Variants in RARA observed in about 807,000 individuals in gnomAD.
RARA encodes the protein retinoic acid receptor alpha.
In RARA, 5 loss-of-function variants were observed where a neutral mutation model predicts 42.8. The ratio of observed to expected loss-of-function variants is 0.12; its 90% CI spans 0.06 to 0.25. The LOEUF (loss-of-function observed/expected upper bound fraction) is 0.25. Among genes scored for constraint, RARA ranks in the 10% least tolerant of loss-of-function variants. The pLI, the probability that RARA is intolerant of heterozygous loss-of-function variation, is 1.00. For synonymous variants in RARA, 256 were observed against 259.5 expected (o/e 0.99, Z 0.13); for missense variants, 402 against 628.7 (o/e 0.64, Z 3.86).
At chr17:40,332,517 G>A (rs986419682) in intron 2 of RARA, among the ~76,000 whole-genome samples, 8 of 152,158 alleles carry the variant, frequency 5.3e-5, no homozygotes, top group South Asian at 4.1e-4. Flanking sequence ...CTCTCTCCCC[G>A]GAGCCAGGGA....
At chr17:40,321,482 A>G (rs1007900111) in intron 1 of RARA, among the ~76,000 whole-genome samples, 5 of 152,094 alleles carry the variant, frequency 3.3e-5, no homozygotes. Context: ...TAGCCCGCCC[A>G]CCTGGCATCA....
chr17:40,338,218 C>T (rs899724556), intron 2 of RARA, among the ~76,000 whole-genome samples: 1 of 152,220 alleles, frequency 6.6e-6, no homozygotes, highest in Non-Finnish European at 1.5e-5. Flanking sequence ...TGCAGGCCTG[C>T]CTGCCCTTTG....
At chr17:40,341,271 T>C (rs894933690) in intron 2 of RARA, 13 of 1,340,640 alleles carry the variant, frequency 9.7e-6, no homozygotes, top group Non-Finnish European at 7.8e-6. Context: ...AGGAGACACC[T>C]TGGGCGGGGC....
In RARA at chr17:40,355,200, G is replaced by A. The variant is rs1183252582; in HGVS notation, c.1013-63G>A. ...ATGGCCTGGGCAGGCACGCCCCCCG[G>A]TGGCCGAGGCTGGGGGTGCAGCTGT... On this transcript the variant is annotated intron_variant, in intron 7 of 8. Coordinates refer to ENST00000254066, the MANE Select transcript of RARA (RefSeq NM_000964.4). The surrounding 1 kb of genome is among the most constrained non-coding windows in gnomAD (Gnocchi z 4.1). 3.3e-6 allele frequency: 5 copies of A among 1,502,346 alleles called. No individual in the cohort carries two copies. In the African/African-American group the frequency reaches 5.6e-5, roughly 17 times the overall value. The allele number at this position is 1,502,346 out of a possible 1,614,324, so 93.1% of individuals were successfully genotyped here.
intron 2 of RARA, among the ~76,000 whole-genome samples, chr17:40,335,055 T>C (rs1282218299): frequency 1.3e-5 from 2 of 152,056 alleles, no homozygotes; most frequent in Non-Finnish European, 2.9e-5. Context: ...CAGGGCTGTG[T>C]GTGTTTTGGG....
chr17:40,344,470 G>A (rs2034185518), intron 2 of RARA, among the ~76,000 whole-genome samples: 1 of 152,184 alleles, frequency 6.6e-6, no homozygotes, highest in South Asian at 2.1e-4. Flanking sequence ...CTTCTCCAGA[G>A]GGCTGGAGAG....
At chr17:40,317,697 C>A (rs200830366) in intron 1 of RARA, among the ~76,000 whole-genome samples, 1 of 144,202 alleles carries the variant, frequency 6.9e-6, no homozygotes, top group South Asian at 2.2e-4. Context: ...CTCCTGGACT[C>A]TTTTTTTTTT....
intron 2 of RARA, chr17:40,342,009 G>T (rs1188216706): frequency 4.8e-5 from 52 of 1,090,984 alleles, no homozygotes; most frequent in Non-Finnish European, 5.7e-5. Context: ...TCCACATGCC[G>T]CCTCTCCCTC....
Position 40,356,298 on chromosome 17 carries a change from AC to A in RARA, c.*76del. Reference sequence around the variant, plus strand: ...TCTCTGCCTTTCTACCGACCATGTGACCCCGCACCAGCCCTGCCCCCACCTG... The same window carrying A: ...TCTCTGCCTTTCTACCGACCATGTGACCCGCACCAGCCCTGCCCCCACCTG... On this transcript the variant is annotated 3_prime_UTR_variant, in exon 9 of 9. Transcript: ENST00000254066. 1 of 1,456,556 alleles carries A rather than the reference AC, an allele frequency of 6.9e-7. No homozygotes were observed. Among genetic ancestry groups the A allele is most frequent in the East Asian group, 2.5e-5 (1 of 40,498 alleles). 90.2% of individuals were successfully genotyped at this position (1,456,556 alleles called of 1,614,324 possible). A position where few individuals can be genotyped will look rare whatever the true frequency, so the allele number is the denominator to read the frequency against.
Position 40,355,248 on chromosome 17 carries a change from G to GT in RARA, c.1013-13dup, listed in dbSNP as rs2034581246. 2.6e-6 allele frequency: 4 copies of GT among 1,555,910 alleles called. No individual in the cohort carries two copies. In the African/African-American group the frequency reaches 4.1e-5, roughly 16 times the overall value. On this transcript the variant is annotated splice_polypyrimidine_tract_variant and intron_variant, in intron 7 of 8. Coordinates refer to ENST00000254066, the MANE Select transcript of RARA (RefSeq NM_000964.4). The surrounding 1 kb of genome is among the most constrained non-coding windows in gnomAD (Gnocchi z 4.1). ...TGTGTTCCCAGCTGCTCAGGGGGTG[G>GT]TTCTGCTTCCTCAGACCGCCAGGAC...
intron 2 of RARA, among the ~76,000 whole-genome samples, chr17:40,339,505 T>C (rs1288150446): frequency 6.6e-6 from 1 of 152,152 alleles, no homozygotes; most frequent in Non-Finnish European, 1.5e-5. Context: ...CACTGTGTTC[T>C]GCTCTGACCT....
intron 2 of RARA, chr17:40,342,038 C>T (rs1033982946): frequency 1.4e-5 from 15 of 1,071,374 alleles, no homozygotes; most frequent in Non-Finnish European, 1.7e-5. Context: ...CTGCGTTTCT[C>T]CCGCTGCAGC....
In RARA at chr17:40,354,657, C is replaced by A; in HGVS notation, c.1012+151C>A. The stretch of plus-strand genomic sequence containing the variant: ...TACACAGCAAGGGGGCCATGTGGGG[C>A]CTGGACTCCTGTTCCCGATTTCTGG... On this transcript the variant is annotated intron_variant, in intron 7 of 8. Transcript: ENST00000254066. The surrounding 1 kb of genome is among the most constrained non-coding windows in gnomAD (Gnocchi z 4.5). 1 of 1,017,794 alleles carries A rather than the reference C, an allele frequency of 9.8e-7. No individual in the cohort carries two copies. Among genetic ancestry groups the A allele is most frequent in the Non-Finnish European group, 1.4e-6 (1 of 714,310 alleles). The allele number at this position is 1,017,794 out of a possible 1,614,324, so 63.0% of individuals were successfully genotyped here. A position where few individuals can be genotyped will look rare whatever the true frequency, so the allele number is the denominator to read the frequency against.
intron 1 of RARA, among the ~76,000 whole-genome samples, chr17:40,323,798 G>A (rs1175615662): frequency 1.5e-5 from 2 of 135,846 alleles, no homozygotes; most frequent in Admixed American, 7.9e-5. Context: ...GCCTGGTCTG[G>A]GGTCAGAGCC....
At chr17:40,341,642 G>A in intron 2 of RARA, 2 of 1,342,800 alleles carry the variant, frequency 1.5e-6, no homozygotes, top group South Asian at 3.8e-5. Flanking sequence ...GAGGTGAGGC[G>A]CCGCCAGGCG....
rs1164977847 is a variant in RARA, at chr17:40,356,638, C to G, written c.*412C>G. ...CCAGCTGGGGAACCTCAACCTCCCC[C>G]CTGCCTCGGTTGGTGACAGAGGGGG... On this transcript the variant is annotated 3_prime_UTR_variant, in exon 9 of 9. Coordinates refer to ENST00000254066, the MANE Select transcript of RARA (RefSeq NM_000964.4). 3.7e-6 allele frequency: 2 copies of G among 541,864 alleles called. No homozygotes were observed. The highest frequency in any genetic ancestry group is 1.6e-5 in the South Asian group (1 of 64,142). 33.6% of individuals were successfully genotyped at this position (541,864 alleles called of 1,614,324 possible). A position where few individuals can be genotyped will look rare whatever the true frequency, so the allele number is the denominator to read the frequency against.
At chr17:40,311,451 ACT>A (rs1491091984) in intron 1 of RARA, among the ~76,000 whole-genome samples, 7 of 151,520 alleles carry the variant, frequency 4.6e-5, no homozygotes, top group Admixed American at 2.0e-4. Flanking sequence ...AGTGTCACTG[ACT>A]CTGACAAGGA....
chr17:40,355,754 G>A lies in RARA; in HGVS notation c.1172-255G>A, dbSNP rs1164597718. Among the ~76,000 whole-genome samples, 2 of 152,246 alleles carry A rather than the reference G, an allele frequency of 1.3e-5. No homozygotes were observed. Among genetic ancestry groups the A allele is most frequent in the Non-Finnish European group, 2.9e-5 (2 of 68,040 alleles). On this transcript the variant is annotated intron_variant, in intron 8 of 8. Coordinates refer to ENST00000254066, the MANE Select transcript of RARA (RefSeq NM_000964.4). This position sits in a 1 kb window ranked among gnomAD's most constrained non-coding sequence, Gnocchi z 4.1. ...GGGATGATCCCTAGCACACAGCACAGGGGAAGGAAGGGCTTGGCGTCTAGC... is the reference window on the plus strand; with the variant it reads ...GGGATGATCCCTAGCACACAGCACAAGGGAAGGAAGGGCTTGGCGTCTAGC...
At chr17:40,341,295 AG>A in intron 2 of RARA, 1 of 1,371,378 alleles carries the variant, frequency 7.3e-7, no homozygotes, top group South Asian at 1.7e-5. Context: ...GCTCGCCGGA[AG>A]CACGCAGAGC....
Sources: gnomAD v4.1 joint callset for allele counts (sites outside exome capture counted in the v4.1 genomes callset) on GRCh38, gnomAD v4.1.1 for gene constraint, Gnocchi (gnomAD v3.1) non-coding constraint, MANE v1.5 for transcripts, NCBI Gene and HGNC (gene_info 2026-07-23, HGNC 2026-07-21) for gene names.